Variants in SLIT3 observed in about 807,000 individuals in gnomAD.
SLIT3 encodes the protein slit guidance ligand 3.
Under a neutral mutation model 184.0 loss-of-function variants are expected in SLIT3, and 68 were observed. The ratio of observed to expected loss-of-function variants is 0.37; its 90% CI spans 0.30 to 0.45. SLIT3 has a LOEUF of 0.45. SLIT3 is among the 20% of genes least tolerant of loss of function. The probability of loss-of-function intolerance (pLI) is 1.00; values close to 1 mark genes in which losing one functional copy is unlikely to be tolerated. For synonymous variants in SLIT3, 831 were observed against 828.6 expected (o/e 1.00, Z -0.05); for missense variants, 1,707 against 2,026.0 (o/e 0.84, Z 3.02).
At chr5:168,991,930 C>A (rs1400065774) in intron 4 of SLIT3, among the ~76,000 whole-genome samples, 1 of 152,234 alleles carries the variant, frequency 6.6e-6, no homozygotes, top group African/African-American at 2.4e-5. Flanking sequence ...CCTTTCAGGG[C>A]CGGAGAGGCC....
intron 27 of SLIT3, among the ~76,000 whole-genome samples, 170 bp from the exon 28 acceptor site, chr5:168,696,601 C>T (rs530903899): frequency 6.6e-6 from 1 of 152,118 alleles, no homozygotes; most frequent in Non-Finnish European, 1.5e-5. Context: ...AGCAGGAAGA[C>T]CCTTAGGAAC....
intron 4 of SLIT3, among the ~76,000 whole-genome samples, chr5:168,969,892 AAAGAC>A (rs1226844797): frequency 1.3e-5 from 2 of 152,228 alleles, no homozygotes; most frequent in Non-Finnish European, 2.9e-5. Context: ...TTTAAGAAGC[AAAGAC>A]AAGGCTGGGC....
chr5:168,901,345 CAG>C (rs1411124113), intron 4 of SLIT3, among the ~76,000 whole-genome samples: 1 of 133,980 alleles, frequency 7.5e-6, no homozygotes, highest in Non-Finnish European at 1.7e-5. Flanking sequence ...GCCTGGGTGA[CAG>C]AGTGAGACTC....
chr5:168,785,813 G>A lies in SLIT3; in HGVS notation c.1151+94C>T, dbSNP rs1338451724. Reference sequence around the variant, plus strand: ...TTTTTTTCTCTTTTGTCTGCAGAAAGTCAAAAGAACTCTCCAGAGCATGGC... The same window carrying A: ...TTTTTTTCTCTTTTGTCTGCAGAAAATCAAAAGAACTCTCCAGAGCATGGC... On this transcript the variant is annotated intron_variant, in intron 12 of 35. Coordinates refer to ENST00000519560, the MANE Select transcript of SLIT3 (RefSeq NM_003062.4). 6.8e-6 allele frequency: 6 copies of A among 884,314 alleles called. No individual in the cohort carries two copies. The East Asian group carries it at 1.5e-4, about 21-fold the overall frequency. 54.8% of individuals were successfully genotyped at this position (884,314 alleles called of 1,614,324 possible). A position where few individuals can be genotyped will look rare whatever the true frequency, so the allele number is the denominator to read the frequency against.
At chr5:168,859,371 A>C (rs112630075) in intron 5 of SLIT3, among the ~76,000 whole-genome samples, 7,127 of 152,312 alleles carry the variant, frequency 0.047, 246 homozygotes, top group Non-Finnish European at 0.068. Context: ...AGCTATTTAG[A>C]ATTGTAATTA....
At chr5:169,147,243 C>T (rs368211026) in intron 4 of SLIT3, among the ~76,000 whole-genome samples, 1 of 152,172 alleles carries the variant, frequency 6.6e-6, no homozygotes, top group Admixed American at 6.5e-5. Context: ...AGGACTTTGA[C>T]AAACACATAA....
chr5:169,165,211 A>G (rs17637212), intron 4 of SLIT3, among the ~76,000 whole-genome samples: 31,305 of 152,254 alleles, frequency 0.21, 4,235 homozygotes, highest in Middle Eastern at 0.36. Context: ...AATTTACACA[A>G]AAGTATGAGA....
chr5:168,953,360 G>A (rs1432666014), intron 4 of SLIT3, among the ~76,000 whole-genome samples: 1 of 152,186 alleles, frequency 6.6e-6, no homozygotes, highest in Non-Finnish European at 1.5e-5. Flanking sequence ...GAAGTGCTTA[G>A]TAAAGGGCCT....
chr5:168,930,494 C>A (rs1761952489), intron 4 of SLIT3, among the ~76,000 whole-genome samples: 1 of 152,124 alleles, frequency 6.6e-6, no homozygotes, highest in African/African-American at 2.4e-5. Context: ...GTGATGTAAA[C>A]CCCTCCCAGC....
rs567949244 is a variant in SLIT3, at chr5:168,703,595, C to A, written c.2845-2916G>T. Among the ~76,000 whole-genome samples, 3 of 152,160 alleles carry A rather than the reference C, an allele frequency of 2.0e-5. No individual in the cohort carries two copies. In the South Asian group the frequency reaches 6.2e-4, roughly 32 times the overall value. On this transcript the variant is annotated intron_variant, in intron 26 of 35. Coordinates refer to ENST00000519560, the MANE Select transcript of SLIT3 (RefSeq NM_003062.4). ...TGAGACCATGCCCACCACCCTAGTT[C>A]CGTGGAAAAACTGTCTTCCATGAAA...
chr5:169,001,770 G>A (rs1755709164), intron 4 of SLIT3, among the ~76,000 whole-genome samples: 1 of 152,090 alleles, frequency 6.6e-6, no homozygotes, highest in Admixed American at 6.5e-5. Flanking sequence ...ATTTAAACAA[G>A]CCAAAAGAAA....
rs186356383 is a variant in SLIT3 at position 169,298,906 on chromosome 5, G to A, written c.197+1607C>T. Among the ~76,000 whole-genome samples the A allele has an allele frequency of 8.5e-5, 13 of 152,264 alleles. No homozygotes were observed. In the East Asian group the frequency reaches 2.3e-3, roughly 27 times the overall value. On this transcript the variant is annotated intron_variant, in intron 1 of 35. Transcript: ENST00000519560. ...CATGAAAAGCATTTATCAAACATTA[G>A]CTATAATTATTATTTCACTAACTCA...
chr5:168,948,346 AAGGAAG>A, intron 4 of SLIT3, among the ~76,000 whole-genome samples: 1 of 152,226 alleles, frequency 6.6e-6, no homozygotes, highest in South Asian at 2.1e-4. Flanking sequence ...AGACTCAGCG[AAGGAAG>A]AGGCTCCGTT....
At position 168,683,319 on chromosome 5, in the gene SLIT3, G is replaced by A. The variant is rs548692219; in HGVS notation, c.3686+647C>T. Among the ~76,000 whole-genome samples the A allele has an allele frequency of 4.0e-5, 6 of 149,514 alleles. No homozygotes were observed. The East Asian group carries it at 9.8e-4, about 24-fold the overall frequency. ...TGGGAGACAGAGGTTGCAGTGAGCC[G>A]AGATTGCTCCATTGCACTCCAGCCT... On this transcript the variant is annotated intron_variant, in intron 32 of 35. Transcript: ENST00000519560.
At chr5:168,998,150 A>G (rs979701184) in intron 4 of SLIT3, among the ~76,000 whole-genome samples, 2 of 152,234 alleles carry the variant, frequency 1.3e-5, no homozygotes, top group African/African-American at 4.8e-5. Context: ...GATTGGCTCT[A>G]GAATAAAATG....
chr5:168,751,446 G>A (rs1754703338), intron 18 of SLIT3, among the ~76,000 whole-genome samples: 2 of 152,206 alleles, frequency 1.3e-5, no homozygotes, highest in South Asian at 4.1e-4. Flanking sequence ...TGTTTTACAA[G>A]CATCACCACA....
chr5:168,942,234 G>A (rs548202127), intron 4 of SLIT3, among the ~76,000 whole-genome samples: 4 of 152,156 alleles, frequency 2.6e-5, no homozygotes, highest in African/African-American at 9.7e-5. Context: ...ATGCTGAAGA[G>A]GGTAAATGAA....
chr5:169,253,267 C>G (rs1444173651), intron 1 of SLIT3, among the ~76,000 whole-genome samples: 1 of 152,130 alleles, frequency 6.6e-6, no homozygotes, highest in Non-Finnish European at 1.5e-5. Context: ...GACAATGCAA[C>G]CAAGGGTTTA....
At chr5:169,070,817 A>G (rs1277672682) in intron 4 of SLIT3, among the ~76,000 whole-genome samples, 3 of 142,750 alleles carry the variant, frequency 2.1e-5, no homozygotes, top group African/African-American at 5.2e-5. Flanking sequence ...AAAAAAAAAG[A>G]AACAAAAAAC....
Sources: gnomAD v4.1 joint callset for allele counts (sites outside exome capture counted in the v4.1 genomes callset) on GRCh38, gnomAD v4.1.1 for gene constraint, MANE v1.5 for transcripts, NCBI Gene and HGNC (gene_info 2026-07-23, HGNC 2026-07-21) for gene names.